HECW2: variants seen among roughly 807,000 people sequenced by gnomAD.
HECW2 encodes E3 ubiquitin-protein ligase HECW2.
HECW2 carries 61 observed loss-of-function variants against 175.2 expected under a neutral mutation model. The observed-to-expected ratio is 0.35, with a 90% CI of 0.28 to 0.43. HECW2 has a LOEUF of 0.43. Among genes scored for constraint, HECW2 ranks in the 20% least tolerant of loss-of-function variants. The pLI, the probability that HECW2 is intolerant of heterozygous loss-of-function variation, is 1.00. For synonymous variants in HECW2, 671 were observed against 731.0 expected (o/e 0.92, Z 1.32); for missense variants, 1,524 against 2,000.5 (o/e 0.76, Z 4.54).
chr2:196,374,045 T>G (rs866136243), intron 2 of HECW2, among the ~76,000 whole-genome samples: 5 of 123,620 alleles, frequency 4.0e-5, no homozygotes, highest in African/African-American at 2.3e-4. Flanking sequence ...AAAAATAAAA[T>G]AAAATAAATA....
intron 1 of HECW2, among the ~76,000 whole-genome samples, chr2:196,576,781 T>C (rs2125522195): frequency 6.6e-6 from 1 of 152,332 alleles, no homozygotes; most frequent in Non-Finnish European, 1.5e-5. Flanking sequence ...TTTCACAATG[T>C]ATACACATAT....
chr2:196,564,163 G>T (rs1444665854), intron 1 of HECW2, among the ~76,000 whole-genome samples: 1 of 152,014 alleles, frequency 6.6e-6, no homozygotes, highest in Non-Finnish European at 1.5e-5. Flanking sequence ...TAAAAAATGG[G>T]AAACAGACAA....
At chr2:196,242,289 A>G (rs1335961556) in intron 19 of HECW2, 85 bp from the exon 20 acceptor site, 1 of 1,543,586 alleles carries the variant, frequency 6.5e-7, no homozygotes, top group Non-Finnish European at 8.9e-7. Flanking sequence ...AAGCTATCAC[A>G]ATCAACAAGT....
intron 1 of HECW2, among the ~76,000 whole-genome samples, chr2:196,501,144 T>C (rs1349235426): frequency 1.3e-5 from 2 of 152,230 alleles, no homozygotes; most frequent in East Asian, 1.9e-4. Flanking sequence ...AATATCAGAA[T>C]AACTTTTTTA....
intron 1 of HECW2, among the ~76,000 whole-genome samples, chr2:196,486,265 T>A (rs772459570): frequency 6.6e-6 from 1 of 152,170 alleles, no homozygotes; most frequent in African/African-American, 2.4e-5. Context: ...GTCACAACAT[T>A]TCTCTATGCA....
intron 3 of HECW2, among the ~76,000 whole-genome samples, chr2:196,336,579 G>A (rs1692558242): frequency 6.6e-6 from 1 of 152,074 alleles, no homozygotes; most frequent in African/African-American, 2.4e-5. Flanking sequence ...TCTGTCTCAA[G>A]TTAGGATGCC....
intron 2 of HECW2, among the ~76,000 whole-genome samples, chr2:196,422,529 G>A (rs941186707): frequency 5.3e-5 from 8 of 152,008 alleles, no homozygotes; most frequent in African/African-American, 1.9e-4. Context: ...AGAAGGTGAT[G>A]AGCCTGAGTC....
At chr2:196,495,454 G>T (rs761997753) in intron 1 of HECW2, among the ~76,000 whole-genome samples, 22 of 152,186 alleles carry the variant, frequency 1.4e-4, no homozygotes, top group Non-Finnish European at 2.9e-4. Flanking sequence ...TACTGTGAAA[G>T]ATGATGGATA....
rs1453282033 is a variant in HECW2, at chr2:196,363,046, G to A, written c.293-19282C>T. ...CAGACACAGTTTGCCCTGAAGCTTC[G>A]AAGGGCCACAGAGCTTTGGGCTGAT... On this transcript the variant is annotated intron_variant, in intron 2 of 28. Transcript: ENST00000644978. Among the ~76,000 whole-genome samples the A allele has an allele frequency of 4.6e-5, 7 of 151,930 alleles. No individual in the cohort carries two copies. The East Asian group carries it at 5.8e-4, about 13-fold the overall frequency.
Position 196,449,163 on chromosome 2 carries a change from G to T in HECW2, c.-35-15705C>A, listed in dbSNP as rs551677243. 3.3e-5 allele frequency among the ~76,000 whole-genome samples: 5 copies of T among 151,994 alleles called. No individual in the cohort carries two copies. In the East Asian group the frequency reaches 7.7e-4, roughly 23 times the overall value. On this transcript the variant is annotated intron_variant, in intron 1 of 28. Transcript: ENST00000644978. ...CTGTGGTGCCAAGTCTGGGAATTTC[G>T]CTGGGCTACAGTACCAGCTTCCTCC...
chr2:196,240,884 G>GC (rs1688426836), intron 20 of HECW2, among the ~76,000 whole-genome samples: 2 of 151,614 alleles, frequency 1.3e-5, no homozygotes, highest in South Asian at 2.1e-4. Flanking sequence ...CACACACACC[G>GC]CCCCCCGCCC....
chr2:196,225,705 A>T, intron 23 of HECW2, 67 bp downstream of exon 23: 2 of 984,566 alleles, frequency 2.0e-6, no homozygotes, highest in South Asian at 1.3e-5. Flanking sequence ...TTGACAGAAG[A>T]ATTTTTTCAA....
intron 13 of HECW2, among the ~76,000 whole-genome samples, chr2:196,305,909 A>G (rs1351467577): frequency 1.3e-5 from 2 of 152,030 alleles, no homozygotes; most frequent in Admixed American, 6.6e-5. Flanking sequence ...TTTAATTACT[A>G]TCTTCAGTAA....
At chr2:196,501,433 G>A (rs1394897478) in intron 1 of HECW2, among the ~76,000 whole-genome samples, 2 of 151,926 alleles carry the variant, frequency 1.3e-5, no homozygotes, top group Non-Finnish European at 2.9e-5. Context: ...AAAAATATAA[G>A]TTTTTGTATT....
chr2:196,371,455 G>A (rs1418314761), intron 2 of HECW2, among the ~76,000 whole-genome samples: 1 of 152,184 alleles, frequency 6.6e-6, no homozygotes, highest in Non-Finnish European at 1.5e-5. Flanking sequence ...CAAAGTTTTA[G>A]ATTCTATTTA....
At chr2:196,275,497 T>C (rs912009893) in intron 15 of HECW2, among the ~76,000 whole-genome samples, 1 of 152,188 alleles carries the variant, frequency 6.6e-6, no homozygotes, top group South Asian at 2.1e-4. Context: ...CTCACACCTA[T>C]AATCCCAGCA....
At chr2:196,483,070 C>T (rs958326118) in intron 1 of HECW2, among the ~76,000 whole-genome samples, 33 of 139,694 alleles carry the variant, frequency 2.4e-4, no homozygotes, top group African/African-American at 7.9e-4. Context: ...GCAACATCCA[C>T]AATGTGTGTT....
chr2:196,396,066 A>G (rs1694653812), intron 2 of HECW2, among the ~76,000 whole-genome samples: 1 of 152,230 alleles, frequency 6.6e-6, no homozygotes, highest in Non-Finnish European at 1.5e-5. Context: ...GACATATGCT[A>G]CAACATGGAT....
chr2:196,536,549 G>A (rs531380252), intron 1 of HECW2, among the ~76,000 whole-genome samples: 2 of 152,236 alleles, frequency 1.3e-5, no homozygotes, highest in East Asian at 1.9e-4. Flanking sequence ...ACCGACAAGC[G>A]AAGAAGCAAT....
Sources: allele counts gnomAD v4.1 joint callset (sites outside exome capture counted in the v4.1 genomes callset), GRCh38; gene constraint gnomAD v4.1.1; transcripts MANE v1.5; gene names NCBI Gene and HGNC (gene_info 2026-07-23, HGNC 2026-07-21).